The following ZFP91 variants were observed in gnomAD, a reference collection of about 807,000 sequenced individuals.
ZFP91 encodes the protein E3 ubiquitin-protein ligase ZFP91.
In ZFP91, 7 loss-of-function variants were observed where a neutral mutation model predicts 63.5. The ratio of observed to expected loss-of-function variants is 0.11; its 90% CI spans 0.06 to 0.21. The LOEUF (loss-of-function observed/expected upper bound fraction) is 0.21, where lower values mean the gene tolerates loss of function less well. Ranked by LOEUF, ZFP91 falls within the 10% of genes least tolerant of loss-of-function variation. ZFP91 has a pLI of 1.00. For synonymous variants in ZFP91, 330 were observed against 272.1 expected, an observed-to-expected ratio of 1.21 and a Z score of -2.10; for missense variants, 628 against 736.6, an observed-to-expected ratio of 0.85 and a Z score of 1.71.
At position 58,579,407 on chromosome 11, in the gene ZFP91, A is replaced by G. The variant is rs1308558386; in HGVS notation, c.126A>G (p.Ala42=). ...CTGAGGCGGTCGCGGCGGCGCCTGC[A>G]GGGACCACTAGCAGCCGCGTGCTGA... ...RPPEAVAAAP[A]GTTSSRVLRG... is the part of the protein sequence containing the mutation. Residue 42 remains alanine, a synonymous_variant, in exon 1 of 11, where the codon GCA becomes GCG. Transcript: ENST00000316059. 2.7e-6 allele frequency: 4 copies of G among 1,456,620 alleles called. No homozygotes were observed. Among genetic ancestry groups the G allele is most frequent in the Non-Finnish European group, 3.6e-6 (4 of 1,112,174 alleles). The allele number at this position is 1,456,620 out of a possible 1,614,324, so 90.2% of individuals were successfully genotyped here.
chr11:58,614,369 T>G, intron 9 of ZFP91, 26 bp downstream of exon 9: 1 of 1,526,174 alleles, frequency 6.6e-7, no homozygotes, highest in South Asian at 1.2e-5. Flanking sequence ...GTTTATCAAG[T>G]AGGTAATTGC....
intron 2 of ZFP91, among the ~76,000 whole-genome samples, chr11:58,590,577 A>G (rs930990757): frequency 6.6e-6 from 1 of 152,232 alleles, no homozygotes; most frequent in Non-Finnish European, 1.5e-5. Context: ...GAAGTCATAA[A>G]ATCAAAATAA....
chr11:58,610,327 G>A lies in ZFP91; in HGVS notation c.610G>A (p.Gly204Ser), dbSNP rs372842893. The change falls in exon 4 of 11, where the codon GGC becomes AGC. Residue 204 changes from glycine to serine, a missense_variant. Gly to Ser is a moderately conservative substitution (Grantham distance 56). Around this residue, in one of 3 missense-constraint regions of ZFP91, gnomAD observed 437 missense variants for 380.3 expected, o/e 1.15. Transcript: ENST00000316059. ...TGGAGAAGAGCATCAGTCTCCAGGT[G>A]GCATTAGGTAAAAAAAACATTAATA... is the stretch of plus-strand genomic sequence containing the variant. ...DVGEEHQSPG[G>S]ISSEEEEEEE... is the part of the protein sequence containing the mutation. 2.5e-6 allele frequency: 4 copies of A among 1,588,772 alleles called. No homozygotes were observed. In the Admixed American group the frequency reaches 7.3e-5, roughly 29 times the overall value.
intron 2 of ZFP91, among the ~76,000 whole-genome samples, chr11:58,592,921 G>C (rs988779000): frequency 6.6e-6 from 1 of 152,160 alleles, no homozygotes; most frequent in African/African-American, 2.4e-5. Context: ...TGTGGTGGAA[G>C]GTGGAGGTGG....
At chr11:58,595,276 A>G (rs1477085545) in intron 2 of ZFP91, among the ~76,000 whole-genome samples, 1 of 152,234 alleles carries the variant, frequency 6.6e-6, no homozygotes, top group Non-Finnish European at 1.5e-5. Context: ...TTAATTGCCC[A>G]GAAGAAATTT....
intron 2 of ZFP91, among the ~76,000 whole-genome samples, chr11:58,588,719 C>CT (rs1002908035): frequency 6.6e-6 from 1 of 151,950 alleles, no homozygotes; most frequent in Non-Finnish European, 1.5e-5. Flanking sequence ...TTATAGTATA[C>CT]TTTTTTGTTG....
In ZFP91 at chr11:58,579,167, A is replaced by T. The variant is rs1449476196; in HGVS notation, c.-115A>T. 154 of 713,082 alleles carry T rather than the reference A, an allele frequency of 2.2e-4. 1 individual carries two copies. The African/African-American group carries it at 4.5e-3, about 21-fold the overall frequency. 44.2% of individuals were successfully genotyped at this position (713,082 alleles called of 1,614,324 possible). ...GAGGGGAGGGGGGAAAGAGGAGCGCAGGGTGAGAGTGAGCCGCAGGCTTCG... is the reference window on the plus strand; with the variant it reads ...GAGGGGAGGGGGGAAAGAGGAGCGCTGGGTGAGAGTGAGCCGCAGGCTTCG... On this transcript the variant is annotated 5_prime_UTR_variant, in exon 1 of 11. Coordinates refer to ENST00000316059, the MANE Select transcript of ZFP91 (RefSeq NM_053023.5).
At chr11:58,584,827 C>A in intron 1 of ZFP91, 29 bp from the exon 2 acceptor site, 3 of 1,529,122 alleles carry the variant, frequency 2.0e-6, no homozygotes, top group South Asian at 2.6e-5. Flanking sequence ...CTAGATTGTT[C>A]ATTAATGTTT....
Position 58,621,542 on chromosome 11 carries a change from C to A in ZFP91, c.*3836C>A, listed in dbSNP as rs1855852647. 6.6e-6 allele frequency among the ~76,000 whole-genome samples: 1 copy of A among 152,074 alleles called. No individual in the cohort carries two copies. Among genetic ancestry groups the A allele is most frequent in the Non-Finnish European group, 1.5e-5 (1 of 68,002 alleles). On this transcript the variant is annotated 3_prime_UTR_variant, in exon 11 of 11. Coordinates refer to ENST00000316059, the MANE Select transcript of ZFP91 (RefSeq NM_053023.5). Reference sequence around the variant, plus strand: ...ATTGTTTACTTTTATAAATTTGCTTCTAAGATGGTATGTGTTTCAGCTTAT... The same window carrying A: ...ATTGTTTACTTTTATAAATTTGCTTATAAGATGGTATGTGTTTCAGCTTAT...
chr11:58,616,896 A>G, intron 10 of ZFP91, 81 bp downstream of exon 10: 1 of 1,291,436 alleles, frequency 7.7e-7, no homozygotes, highest in Non-Finnish European at 1.1e-6. Flanking sequence ...CAAACATATT[A>G]GTTGCCACTG....
At chr11:58,612,463 A>G in intron 7 of ZFP91, 135 bp downstream of exon 7, 1 of 768,808 alleles carries the variant, frequency 1.3e-6, no homozygotes. Flanking sequence ...CTAATGTCCT[A>G]GATGCACAGG....
chr11:58,586,014 A>G (rs1855202845), intron 2 of ZFP91, among the ~76,000 whole-genome samples: 2 of 151,938 alleles, frequency 1.3e-5, no homozygotes, highest in Non-Finnish European at 2.9e-5. Flanking sequence ...TTTATTTAGA[A>G]ACCTTGGCAT....
At chr11:58,600,502 G>T (rs1855475918) in intron 2 of ZFP91, among the ~76,000 whole-genome samples, 1 of 152,036 alleles carries the variant, frequency 6.6e-6, no homozygotes, top group Admixed American at 6.6e-5. Context: ...TTACGTGTTG[G>T]TATTATATTC....
chr11:58,612,461 C>A, intron 7 of ZFP91, 133 bp downstream of exon 7: 1 of 778,916 alleles, frequency 1.3e-6, no homozygotes, highest in Non-Finnish European at 2.1e-6. Flanking sequence ...CACTAATGTC[C>A]TAGATGCACA....
chr11:58,598,241 T>C (rs1183749048), intron 2 of ZFP91, among the ~76,000 whole-genome samples: 1 of 152,126 alleles, frequency 6.6e-6, no homozygotes, highest in Non-Finnish European at 1.5e-5. Context: ...AATTTTAACT[T>C]TTTATATTTG....
At chr11:58,612,190 C>CGTGT (rs139680226) in intron 6 of ZFP91, 88 bp from the exon 7 acceptor site, 31 of 1,193,522 alleles carry the variant, frequency 2.6e-5, no homozygotes, top group African/African-American at 1.2e-4. Flanking sequence ...GTTCTTTGGC[C>CGTGT]GTGTGTGTGT....
chr11:58,598,221 A>G (rs1182941242), intron 2 of ZFP91, among the ~76,000 whole-genome samples: 2 of 152,062 alleles, frequency 1.3e-5, no homozygotes, highest in Non-Finnish European at 2.9e-5. Context: ...TGTGTGTGTA[A>G]GTTTTGTTGA....
intron 9 of ZFP91, among the ~76,000 whole-genome samples, chr11:58,614,980 A>G (rs758845884): frequency 3.9e-5 from 6 of 152,138 alleles, no homozygotes; most frequent in Admixed American, 6.5e-5. Context: ...ATAATTACAC[A>G]TTACCTTCTC....
At position 58,617,767 on chromosome 11, in the gene ZFP91, CA is replaced by C. The variant is rs571879543; in HGVS notation, c.*71del. ...CTTTGTATTTAAAAGTTAAAAAGGA[CA>C]AAAAAAAAATCTAAAGCATTTAAAA... On this transcript the variant is annotated 3_prime_UTR_variant, in exon 11 of 11. Transcript: ENST00000316059. This position sits in a 1 kb window ranked among gnomAD's most constrained non-coding sequence, Gnocchi z 4.2. 1.4e-3 allele frequency: 1,874 copies of C among 1,309,194 alleles called. No homozygotes were observed. Among genetic ancestry groups the C allele is most frequent in the South Asian group, 5.8e-3 (295 of 51,292 alleles). The allele number at this position is 1,309,194 out of a possible 1,614,324, so 81.1% of individuals were successfully genotyped here. A position where few individuals can be genotyped will look rare whatever the true frequency, so the allele number is the denominator to read the frequency against.
Sources: gnomAD v4.1 joint callset for allele counts (sites outside exome capture counted in the v4.1 genomes callset) on GRCh38, gnomAD v4.1.1 for gene constraint, gnomAD v4.1.1 regional missense constraint, Gnocchi (gnomAD v3.1) non-coding constraint, MANE v1.5 for transcripts, NCBI Gene and HGNC (gene_info 2026-07-23, HGNC 2026-07-21) for gene names.